PMEPA1: variants seen among roughly 807,000 people sequenced by gnomAD.
PMEPA1 encodes prostate transmembrane protein, androgen induced 1.
In PMEPA1, 11 loss-of-function variants were observed where a neutral mutation model predicts 23.0. The ratio of observed to expected loss-of-function variants is 0.48; its 90% confidence interval spans 0.30 to 0.79. PMEPA1 has a LOEUF of 0.79. Ranked by LOEUF, PMEPA1 falls within the 30% of genes least tolerant of loss-of-function variation. PMEPA1 has a pLI of 0.06. For synonymous variants in PMEPA1, 204 were observed against 166.4 expected, an observed-to-expected ratio of 1.23 and a Z score of -1.74; for missense variants, 377 against 390.9, an observed-to-expected ratio of 0.96 and a Z score of 0.30.
intron 2 of PMEPA1, among the ~76,000 whole-genome samples, chr20:57,657,051 T>G (rs1158627293): frequency 6.6e-6 from 1 of 152,032 alleles, no homozygotes; most frequent in Non-Finnish European, 1.5e-5. Flanking sequence ...GGAGGAGACT[T>G]TCTATTGGCC....
At chr20:57,666,901 A>G (rs562037991) in intron 1 of PMEPA1, among the ~76,000 whole-genome samples, 7 of 152,258 alleles carry the variant, frequency 4.6e-5, no homozygotes, top group East Asian at 3.8e-4. Context: ...CATTGCCCCA[A>G]TCACAGGCGA....
chr20:57,660,660 C>T (rs1178249196), intron 1 of PMEPA1, among the ~76,000 whole-genome samples: 9 of 147,730 alleles, frequency 6.1e-5, no homozygotes, highest in Admixed American at 6.0e-4. Flanking sequence ...TCCAACACTC[C>T]TACACACACA....
chr20:57,693,558 G>GAC (rs2146700864), intron 1 of PMEPA1, among the ~76,000 whole-genome samples: 2 of 152,338 alleles, frequency 1.3e-5, no homozygotes, highest in South Asian at 4.1e-4. Flanking sequence ...CTGGGGCTGG[G>GAC]ACACACCTGA....
intron 1 of PMEPA1, among the ~76,000 whole-genome samples, chr20:57,678,083 G>A (rs1358745994): frequency 1.3e-5 from 2 of 152,220 alleles, no homozygotes; most frequent in Admixed American, 6.5e-5. Flanking sequence ...AGATGTTCTT[G>A]TGATGGGACT....
At chr20:57,707,999 A>G (rs1054254340) in intron 1 of PMEPA1, among the ~76,000 whole-genome samples, 1 of 152,228 alleles carries the variant, frequency 6.6e-6, no homozygotes, top group African/African-American at 2.4e-5. Flanking sequence ...AGGCCAGCTA[A>G]GGTGGGGTAG....
intron 1 of PMEPA1, among the ~76,000 whole-genome samples, chr20:57,675,456 C>T (rs1460552681): frequency 2.0e-5 from 3 of 152,258 alleles, no homozygotes; most frequent in Non-Finnish European, 2.9e-5. Flanking sequence ...CCACGTGCCC[C>T]CCAACCATGC....
Position 57,649,085 on chromosome 20 carries a change from G to A in PMEPA1, c.*2968C>T, listed in dbSNP as rs912483910. 6.6e-6 allele frequency: 1 copy of A among 152,158 alleles called. No individual in the cohort carries two copies. Among genetic ancestry groups the A allele is most frequent in the African/African-American group, 2.4e-5 (1 of 41,430 alleles). The allele number at this position is 152,158 out of a possible 1,614,324, so 9.4% of individuals were successfully genotyped here. On this transcript the variant is annotated 3_prime_UTR_variant, in exon 4 of 4. Coordinates refer to ENST00000341744, the MANE Select transcript of PMEPA1 (RefSeq NM_020182.5). ...GGTGATTGACAGGCAGGGAGACAGT[G>A]ACAAGGCTAGAGAAAGCCACGCTCG...
chr20:57,672,374 C>A (rs1005328571), intron 1 of PMEPA1, among the ~76,000 whole-genome samples: 1 of 152,246 alleles, frequency 6.6e-6, no homozygotes. Context: ...GGATGGCGGG[C>A]GGCGCCCAGG....
chr20:57,652,377 C>T lies in PMEPA1; in HGVS notation c.540G>A (p.Arg180=), dbSNP rs139675568. ...TGTTTGGGGGTGCGCGCACCGACTC[C>T]CGGTTCAGTTCCAGCTGCTGCTCGG... is the stretch of plus-strand genomic sequence containing the variant. ...RDPEQQLELN[R]ESVRAPPNRT... is the part of the protein sequence containing the mutation. The change falls in exon 4 of 4, where the codon CGG becomes CGA. Residue 180 remains arginine, a synonymous_variant. Coordinates refer to ENST00000341744, the MANE Select transcript of PMEPA1 (RefSeq NM_020182.5). This position sits in a 1 kb window ranked among gnomAD's most constrained non-coding sequence, Gnocchi z 6.1. 6.2e-7 allele frequency: 1 copy of T among 1,613,680 alleles called. No homozygotes were observed. The highest frequency in any genetic ancestry group is 1.1e-5 in the South Asian group (1 of 91,084).
At chr20:57,696,017 G>T (rs1001394990) in intron 1 of PMEPA1, among the ~76,000 whole-genome samples, 3 of 152,178 alleles carry the variant, frequency 2.0e-5, no homozygotes, top group Admixed American at 6.5e-5. Flanking sequence ...GGGGAGCTCA[G>T]ATCCTGCCCA....
rs1268287698 is a variant in PMEPA1, at chr20:57,655,214, T to C, written c.265-2128A>G. On this transcript the variant is annotated intron_variant, in intron 2 of 3. Transcript: ENST00000341744. The surrounding 1 kb of genome is among the most constrained non-coding windows in gnomAD (Gnocchi z 4.2). The stretch of plus-strand genomic sequence containing the variant: ...TGAGCCCATCCTGGGTCTGGACCAA[T>C]GGCCCCTCTTTCCTCCCTTTCCTGA... 1.3e-5 allele frequency among the ~76,000 whole-genome samples: 2 copies of C among 152,148 alleles called. No individual in the cohort carries two copies. Among genetic ancestry groups the C allele is most frequent in the Non-Finnish European group, 1.5e-5 (1 of 68,030 alleles).
At chr20:57,700,795 A>G (rs1429184363) in intron 1 of PMEPA1, among the ~76,000 whole-genome samples, 2 of 152,214 alleles carry the variant, frequency 1.3e-5, no homozygotes, top group African/African-American at 4.8e-5. Context: ...TGGGAGGCTG[A>G]GGCGGGCAGA....
At position 57,652,576 on chromosome 20, in the gene PMEPA1, C is replaced by G. The variant is rs1336362059; in HGVS notation, c.341G>C (p.Arg114Pro). 1.0e-5 allele frequency: 15 copies of G among 1,501,564 alleles called. 1 individual carries two copies. The Admixed American group carries it at 2.1e-4, about 21-fold the overall frequency. The allele number at this position is 1,501,564 out of a possible 1,614,324, so 93.0% of individuals were successfully genotyped here. Residue 114 changes from arginine to proline, a missense_variant, in exon 4 of 4, where the codon CGG (arginine) becomes CCG (proline). Physicochemically the swap from Arg to Pro is moderately radical, Grantham distance 103. Transcript: ENST00000341744. This position sits in a 1 kb window ranked among gnomAD's most constrained non-coding sequence, Gnocchi z 6.1. ...IPEPQVYAPP[R>P]PTDRLAVPPF... ...CGGCACGGCCAGGCGGTCGGTGGGCCGAGGCGGGGCGTAGACCTGCGGCTG... is the reference window on the plus strand; with the variant it reads ...CGGCACGGCCAGGCGGTCGGTGGGCGGAGGCGGGGCGTAGACCTGCGGCTG...
rs2071756933 is a variant in PMEPA1 at position 57,683,578 on chromosome 20, T to TGTGTGTGC, written c.110-23882_110-23881insGCACACAC. 6.6e-6 allele frequency among the ~76,000 whole-genome samples: 1 copy of TGTGTGTGC among 152,038 alleles called. No homozygotes were observed. ...GCGTGTGTGTGTGTGTGTGTGTGTGTGTGTGTTTCTTTTAAAAGTCTCTTC... is the reference window on the plus strand; with the variant it reads ...GCGTGTGTGTGTGTGTGTGTGTGTGTGTGTGTGCGTGTGTTTCTTTTAAAAGTCTCTTC... On this transcript the variant is annotated intron_variant, in intron 1 of 3. Coordinates refer to ENST00000341744, the MANE Select transcript of PMEPA1 (RefSeq NM_020182.5). This position sits in a 1 kb window ranked among gnomAD's most constrained non-coding sequence, Gnocchi z 4.3.
chr20:57,677,407 T>C (rs1441141594), intron 1 of PMEPA1, among the ~76,000 whole-genome samples: 1 of 152,198 alleles, frequency 6.6e-6, no homozygotes, highest in Admixed American at 6.5e-5. Flanking sequence ...CATTGTCAAG[T>C]GCACCTCACC....
At position 57,655,981 on chromosome 20, in the gene PMEPA1, G is replaced by A. The variant is rs949278638; in HGVS notation, c.265-2895C>T. 1.3e-5 allele frequency among the ~76,000 whole-genome samples: 2 copies of A among 151,940 alleles called. No individual in the cohort carries two copies. The highest frequency in any genetic ancestry group is 2.4e-5 in the African/African-American group (1 of 41,412). ...ACCTCATTGACAAAACCAGGCAGCCGCAGTGAGCTGACGCTCAGGCAGCTC... is the reference window on the plus strand; with the variant it reads ...ACCTCATTGACAAAACCAGGCAGCCACAGTGAGCTGACGCTCAGGCAGCTC... On this transcript the variant is annotated intron_variant, in intron 2 of 3. Coordinates refer to ENST00000341744, the MANE Select transcript of PMEPA1 (RefSeq NM_020182.5). This position sits in a 1 kb window ranked among gnomAD's most constrained non-coding sequence, Gnocchi z 4.2.
intron 2 of PMEPA1, among the ~76,000 whole-genome samples, chr20:57,654,589 G>A (rs912389212): frequency 6.6e-6 from 1 of 152,118 alleles, no homozygotes; most frequent in Non-Finnish European, 1.5e-5. Flanking sequence ...AGATCCACAG[G>A]ATCATTCCTG....
At chr20:57,705,883 T>C (rs1210220533) in intron 1 of PMEPA1, among the ~76,000 whole-genome samples, 1 of 152,136 alleles carries the variant, frequency 6.6e-6, no homozygotes, top group African/African-American at 2.4e-5. Context: ...CAGGACGGCC[T>C]TTCCTGCCCC....
Position 57,652,253 on chromosome 20 carries a change from C to T in PMEPA1, c.664G>A (p.Gly222Ser), listed in dbSNP as rs1295921847. The T allele has an allele frequency of 3.1e-6, 5 of 1,607,748 alleles. 1 individual carries two copies. The highest frequency in any genetic ancestry group is 2.2e-5 in the South Asian group (2 of 90,984). The stretch of plus-strand genomic sequence containing the variant: ...GGCGGCGGCCCCTCCATGCGCCCGC[C>T]GCTGCCGTAGCACGTGGCGCTGATG... ...SGISATCYGS[G>S]GRMEGPPPTY... Residue 222 changes from glycine to serine, a missense_variant, in exon 4 of 4, where the codon GGC (glycine) becomes AGC (serine). Physicochemically the swap from Gly to Ser is moderately conservative, Grantham distance 56. Coordinates refer to ENST00000341744, the MANE Select transcript of PMEPA1 (RefSeq NM_020182.5). This position sits in a 1 kb window ranked among gnomAD's most constrained non-coding sequence, Gnocchi z 6.1.
Sources: gnomAD v4.1 joint callset for allele counts (sites outside exome capture counted in the v4.1 genomes callset) on GRCh38, gnomAD v4.1.1 for gene constraint, Gnocchi (gnomAD v3.1) non-coding constraint, MANE v1.5 for transcripts, NCBI Gene and HGNC (gene_info 2026-07-23, HGNC 2026-07-21) for gene names.